The following ROCK1 variants were observed in gnomAD, a reference collection of about 807,000 sequenced individuals.
ROCK1 encodes the protein rho-associated protein kinase 1.
In ROCK1, 36 loss-of-function variants were observed where a neutral mutation model predicts 196.8. That is an observed-to-expected ratio of 0.18 (90% confidence interval 0.14 to 0.24). The LOEUF (loss-of-function observed/expected upper bound fraction) is 0.24, where lower values mean the gene tolerates loss of function less well. Ranked by LOEUF, ROCK1 falls within the 10% of genes least tolerant of loss-of-function variation. The probability of loss-of-function intolerance (pLI) is 1.00; values close to 1 mark genes in which losing one functional copy is unlikely to be tolerated. For missense variants in ROCK1, 920 were observed against 1,562.0 expected (o/e 0.59, Z 6.93); for synonymous variants, 443 against 515.9 (o/e 0.86, Z 1.91).
At chr18:20,996,824 T>C (rs1598521876) in intron 16 of ROCK1, among the ~76,000 whole-genome samples, 1 of 152,210 alleles carries the variant, frequency 6.6e-6, no homozygotes, top group Admixed American at 6.5e-5. Context: ...GTATTAGTTT[T>C]CTCTTTGCTT....
At chr18:21,055,096 T>C (rs1417916456) in intron 2 of ROCK1, among the ~76,000 whole-genome samples, 2 of 152,238 alleles carry the variant, frequency 1.3e-5, no homozygotes, top group African/African-American at 4.8e-5. Flanking sequence ...ATACCTTTAA[T>C]GTCATGAGCT....
At chr18:20,995,429 C>A (rs370969089) in intron 16 of ROCK1, among the ~76,000 whole-genome samples, 9 of 152,318 alleles carry the variant, frequency 5.9e-5, no homozygotes, top group Middle Eastern at 3.4e-3. Flanking sequence ...AACCAACAAT[C>A]AGCTTAGTGA....
At chr18:20,985,642 T>C (rs1342888322) in intron 19 of ROCK1, among the ~76,000 whole-genome samples, 1 of 152,208 alleles carries the variant, frequency 6.6e-6, no homozygotes, top group Non-Finnish European at 1.5e-5. Flanking sequence ...TCTTATTCAC[T>C]TCGGTAACCC....
In ROCK1 at chr18:20,997,866, G is replaced by A. The variant is rs542329255; in HGVS notation, c.1886-4929C>T. 3.6e-3 allele frequency among the ~76,000 whole-genome samples: 529 copies of A among 145,790 alleles called. 1 individual carries two copies. Among genetic ancestry groups the A allele is most frequent in the Non-Finnish European group, 4.8e-3 (322 of 66,908 alleles). On this transcript the variant is annotated intron_variant, in intron 16 of 32. Coordinates refer to ENST00000399799, the MANE Select transcript of ROCK1 (RefSeq NM_005406.3). ...TTTTTTTTTTTTGAGACGAAGTTTC[G>A]CTCTTGTACCCCAGGCTGGAGTACA... is the stretch of plus-strand genomic sequence containing the variant.
chr18:20,970,595 T>C, intron 22 of ROCK1, 82 bp from the exon 23 acceptor site: 1 of 867,980 alleles, frequency 1.2e-6, no homozygotes, highest in Admixed American at 2.6e-5. Context: ...AAAACACAAT[T>C]AACTTTAAAT....
At chr18:21,078,515 G>T (rs1197071168) in intron 1 of ROCK1, among the ~76,000 whole-genome samples, 4 of 152,148 alleles carry the variant, frequency 2.6e-5, no homozygotes, top group Non-Finnish European at 4.4e-5. Flanking sequence ...CGGGGCACCT[G>T]TGCTGTAATG....
Position 20,959,121 on chromosome 18 carries a change from A to AAAT in ROCK1, c.3512+718_3512+719insATT, listed in dbSNP as rs1491564970. On this transcript the variant is annotated intron_variant, in intron 29 of 32. Transcript: ENST00000399799. ...ATATATATTATATATATATTATATAATATATATATTATATATATTATATAA... is the reference window on the plus strand; with the variant it reads ...ATATATATTATATATATATTATATAAAATTATATATATTATATATATTATATAA... Among the ~76,000 whole-genome samples the AAAT allele has an allele frequency of 3.8e-5, 2 of 52,100 alleles. 1 individual carries two copies. Among genetic ancestry groups the AAAT allele is most frequent in the African/African-American group, 2.7e-4 (2 of 7,276 alleles). 34.2% of individuals were successfully genotyped at this position (52,100 alleles called of 152,430 possible). A position where few individuals can be genotyped will look rare whatever the true frequency, so the allele number is the denominator to read the frequency against.
chr18:21,014,972 T>C (rs1012507385), intron 13 of ROCK1, among the ~76,000 whole-genome samples: 7 of 152,238 alleles, frequency 4.6e-5, no homozygotes, highest in African/African-American at 1.2e-4. Context: ...ATAAAAAATT[T>C]TGACAGGTAA....
At chr18:21,036,123 G>A (rs1173454217) in intron 9 of ROCK1, among the ~76,000 whole-genome samples, 2 of 152,138 alleles carry the variant, frequency 1.3e-5, no homozygotes, top group African/African-American at 2.4e-5. Context: ...ATAATGTTCA[G>A]AACGTCTAAA....
chr18:21,042,316 C>T, intron 7 of ROCK1, 81 bp from the exon 8 acceptor site: 3 of 1,284,204 alleles, frequency 2.3e-6, no homozygotes, highest in Non-Finnish European at 3.2e-6. Flanking sequence ...TCAAAGTTAC[C>T]CGTTTAAAAA....
intron 20 of ROCK1, 117 bp downstream of exon 20, chr18:20,984,234 T>C: frequency 1.3e-6 from 1 of 770,366 alleles, no homozygotes; most frequent in Non-Finnish European, 2.0e-6. Context: ...TAAATACTTT[T>C]TTTCTGTCTT....
At chr18:20,992,453 C>T (rs1373033095) in intron 17 of ROCK1, among the ~76,000 whole-genome samples, 1 of 152,190 alleles carries the variant, frequency 6.6e-6, no homozygotes, top group East Asian at 1.9e-4. Flanking sequence ...AACAACAGAA[C>T]AGGTACTCAT....
chr18:21,039,863 A>G (rs2036089874), intron 8 of ROCK1, among the ~76,000 whole-genome samples: 1 of 152,162 alleles, frequency 6.6e-6, no homozygotes, highest in African/African-American at 2.4e-5. Flanking sequence ...GTTCGAGACC[A>G]GCCCAGCCAA....
rs147904330 is a variant in ROCK1 at position 21,088,205 on chromosome 18, T to A, written c.94-17592A>T. On this transcript the variant is annotated intron_variant, in intron 1 of 32. Coordinates refer to ENST00000399799, the MANE Select transcript of ROCK1 (RefSeq NM_005406.3). Reference sequence around the variant, plus strand: ...ATAGCATTAAATGATTAGAAAAGAGTAATGATGGCCAGGCGCAGTGGCTCA... The same window carrying A: ...ATAGCATTAAATGATTAGAAAAGAGAAATGATGGCCAGGCGCAGTGGCTCA... Among the ~76,000 whole-genome samples the A allele has an allele frequency of 2.6e-4, 39 of 152,228 alleles. No homozygotes were observed. The East Asian group carries it at 6.4e-3, about 25-fold the overall frequency.
At chr18:21,101,346 T>C (rs1419718081) in intron 1 of ROCK1, among the ~76,000 whole-genome samples, 2 of 152,222 alleles carry the variant, frequency 1.3e-5, no homozygotes, top group Non-Finnish European at 2.9e-5. Flanking sequence ...CACAGACTGA[T>C]GCCACCTGAA....
chr18:21,018,625 T>C (rs1265526090), intron 12 of ROCK1, among the ~76,000 whole-genome samples: 1 of 152,196 alleles, frequency 6.6e-6, no homozygotes, highest in Non-Finnish European at 1.5e-5. Context: ...ATTTTATACT[T>C]AGAAATTCTT....
chr18:20,958,326 A>G lies in ROCK1; in HGVS notation c.3512+1514T>C, dbSNP rs374609424. On this transcript the variant is annotated intron_variant, in intron 29 of 32. Transcript: ENST00000399799. ...TACTTAATTCCAAAGGGATGATAATACTTTATTTTATATATATATTTCTTT... is the reference window on the plus strand; with the variant it reads ...TACTTAATTCCAAAGGGATGATAATGCTTTATTTTATATATATATTTCTTT... Among the ~76,000 whole-genome samples, 4 of 152,204 alleles carry G rather than the reference A, an allele frequency of 2.6e-5. No homozygotes were observed. The East Asian group carries it at 7.7e-4, about 29-fold the overall frequency.
intron 1 of ROCK1, among the ~76,000 whole-genome samples, chr18:21,075,174 T>C (rs1219090927): frequency 6.6e-6 from 1 of 152,074 alleles, no homozygotes; most frequent in Non-Finnish European, 1.5e-5. Context: ...ATGATAAAGA[T>C]GATAAATTAA....
intron 29 of ROCK1, among the ~76,000 whole-genome samples, chr18:20,959,163 AT>A (rs1157358230): frequency 1.4e-5 from 1 of 72,538 alleles, no homozygotes; most frequent in Non-Finnish European, 2.3e-5. Flanking sequence ...TATATTATAT[AT>A]TATATAATAT....
Sources: gnomAD v4.1 joint callset for allele counts (sites outside exome capture counted in the v4.1 genomes callset) on GRCh38, gnomAD v4.1.1 for gene constraint, MANE v1.5 for transcripts, NCBI Gene and HGNC (gene_info 2026-07-23, HGNC 2026-07-21) for gene names.